SCARB2: variants seen among roughly 807,000 people sequenced by gnomAD.
SCARB2 encodes scavenger receptor class B member 2, also known as lysosome membrane protein 2.
In SCARB2, 29 loss-of-function variants were observed where a neutral mutation model predicts 58.6. That is an observed-to-expected ratio of 0.49 (90% CI 0.37 to 0.67). The LOEUF is 0.67. SCARB2 is among the 30% of genes least tolerant of loss of function. The probability of loss-of-function intolerance (pLI) is 0.00; values close to 1 mark genes in which losing one functional copy is unlikely to be tolerated. For missense variants in SCARB2, 488 were observed against 578.5 expected, an observed-to-expected ratio of 0.84 and a Z score of 1.60; for synonymous variants, 195 against 210.1, an observed-to-expected ratio of 0.93 and a Z score of 0.62.
At chr4:76,177,377 G>T (rs1732272110) in intron 4 of SCARB2, among the ~76,000 whole-genome samples, 1 of 151,902 alleles carries the variant, frequency 6.6e-6, no homozygotes, top group Non-Finnish European at 1.5e-5. Context: ...CGTTGGTGAG[G>T]ATGTGGAGAA....
chr4:76,221,736 T>C (rs190421022), intron 1 of SCARB2, among the ~76,000 whole-genome samples: 3 of 152,288 alleles, frequency 2.0e-5, no homozygotes, highest in African/African-American at 7.2e-5. Flanking sequence ...ATGGGAACAA[T>C]TGACACTGGA....
chr4:76,175,432 TG>T, intron 6 of SCARB2: 1 of 309,282 alleles, frequency 3.2e-6, no homozygotes, highest in Non-Finnish European at 6.2e-6. Flanking sequence ...TACTGTGTGA[TG>T]GGCCCTGGGC....
chr4:76,202,129 T>C (rs930502916), intron 1 of SCARB2, among the ~76,000 whole-genome samples: 1 of 152,232 alleles, frequency 6.6e-6, no homozygotes, highest in Non-Finnish European at 1.5e-5. Context: ...GAAATTTCTA[T>C]ATTCATATTA....
intron 1 of SCARB2, among the ~76,000 whole-genome samples, chr4:76,228,820 A>G (rs1733445108): frequency 6.6e-6 from 1 of 152,156 alleles, no homozygotes; most frequent in Non-Finnish European, 1.5e-5. Context: ...CTTGATGACT[A>G]TGTGCCCAGG....
upstream of SCARB2, among the ~76,000 whole-genome samples, chr4:76,215,539 G>T (rs1274598419): frequency 6.6e-6 from 1 of 152,204 alleles, no homozygotes; most frequent in East Asian, 1.9e-4. Flanking sequence ...GAGAGGTGGG[G>T]TCTATACTTT....
chr4:76,167,537 G>T (rs1732033006), intron 9 of SCARB2, among the ~76,000 whole-genome samples: 1 of 152,060 alleles, frequency 6.6e-6, no homozygotes, highest in Admixed American at 6.6e-5. Flanking sequence ...ATGAGCAAAA[G>T]CTCCCTGAGG....
chr4:76,214,967 T>C (rs1257509112), upstream of SCARB2, among the ~76,000 whole-genome samples: 1 of 152,170 alleles, frequency 6.6e-6, no homozygotes, highest in Non-Finnish European at 1.5e-5. Context: ...ATACAGTCCA[T>C]GTATAAAAAG....
upstream of SCARB2, among the ~76,000 whole-genome samples, chr4:76,218,466 A>C (rs1578747628): frequency 6.6e-6 from 1 of 152,074 alleles, no homozygotes; most frequent in Non-Finnish European, 1.5e-5. Context: ...GGCCACAGGG[A>C]CTCTCTGTGA....
upstream of SCARB2, chr4:76,214,530 G>T: frequency 2.9e-6 from 1 of 346,420 alleles, no homozygotes; most frequent in South Asian, 2.1e-5. Context: ...CGGAGGTGTT[G>T]AGGCCCCAAG....
At chr4:76,226,546 G>C (rs990675304) in intron 1 of SCARB2, among the ~76,000 whole-genome samples, 3 of 152,122 alleles carry the variant, frequency 2.0e-5, no homozygotes, top group African/African-American at 7.2e-5. Context: ...TAGTGCTGTG[G>C]GGCAGCCTTC....
At chr4:76,199,402 G>A (rs1677679252) in intron 1 of SCARB2, among the ~76,000 whole-genome samples, 1 of 152,186 alleles carries the variant, frequency 6.6e-6, no homozygotes, top group African/African-American at 2.4e-5. Flanking sequence ...CATCAAAAAT[G>A]TTTTTATTCA....
chr4:76,208,794 A>AGAG (rs1237677521), intron 1 of SCARB2, among the ~76,000 whole-genome samples: 2 of 152,244 alleles, frequency 1.3e-5, no homozygotes, highest in Non-Finnish European at 2.9e-5. Flanking sequence ...CAACTCCTTA[A>AGAG]GAGAGCCAAG....
At chr4:76,195,944 C>T (rs1732703348) in intron 1 of SCARB2, 80 bp from the exon 2 acceptor site, 1 of 1,030,426 alleles carries the variant, frequency 9.7e-7, no homozygotes, top group South Asian at 1.5e-5. Context: ...GGAAGGGACG[C>T]CCCCTATTCT....
At chr4:76,191,780 T>C (rs1348469810) in intron 2 of SCARB2, 1 of 136,736 alleles carries the variant, frequency 7.3e-6, no homozygotes, top group Non-Finnish European at 1.5e-5. Context: ...TTCTTTCTTC[T>C]TTTTTTTTGA....
At chr4:76,216,708 G>A (rs145041843), upstream of SCARB2, among the ~76,000 whole-genome samples, 87 of 152,288 alleles carry the variant, frequency 5.7e-4, no homozygotes, top group Non-Finnish European at 1.1e-3. Flanking sequence ...TATGTCAGGC[G>A]GTTAGTAAGC....
In SCARB2 at chr4:76,195,868, G is replaced by A. The variant is rs1732701644; in HGVS notation, c.118-4C>T. On this transcript the variant is annotated splice_region_variant and splice_polypyrimidine_tract_variant and intron_variant, in intron 1 of 11. Transcript: ENST00000264896. ...TACCATTCCTTAACACAATTTTCTA[G>A]GAAAAAACCAAAAGGAGATTTACAA... 1 of 1,603,736 alleles carries A rather than the reference G, an allele frequency of 6.2e-7. No homozygotes were observed. Among genetic ancestry groups the A allele is most frequent in the South Asian group, 1.1e-5 (1 of 88,950 alleles).
chr4:76,209,659 G>A (rs766799986), intron 1 of SCARB2, among the ~76,000 whole-genome samples: 19 of 152,174 alleles, frequency 1.2e-4, no homozygotes, highest in Admixed American at 2.0e-4. Context: ...GAGCCACCAC[G>A]CCTGGCCTAT....
Position 76,179,588 on chromosome 4 carries a change from T to C in SCARB2, c.541A>G (p.Lys181Glu). The change falls in exon 4 of 12, where the codon AAA becomes GAA. Residue 181 changes from lysine (K) to glutamate (E), a missense_variant. By Grantham distance (56) the Lys-to-Glu change is moderately conservative. Transcript: ENST00000264896. ...TGGATAAGGGACAAGATTTCATCTT[T>C]GTAGCCCCAGAGCAATTCGTCAACT... ...HTVDELLWGY[K>E]DEILSLIHVF... The C allele has an allele frequency of 6.2e-7, 1 of 1,614,210 alleles. No homozygotes were observed. The highest frequency in any genetic ancestry group is 8.5e-7 in the Non-Finnish European group (1 of 1,180,012).
At position 76,175,796 on chromosome 4, in the gene SCARB2, A is replaced by G; in HGVS notation, c.819T>C (p.Phe273=). The G allele has an allele frequency of 6.2e-7, 1 of 1,614,044 alleles. No homozygotes were observed. Among genetic ancestry groups the G allele is most frequent in the Non-Finnish European group, 8.5e-7 (1 of 1,179,996 alleles). ...DEVLYVFPSD[F]CRSVYITFSD... ...CTTATCTTTAAAGCTTTTACCTGCA[A>G]AAGTCAGATGGGAAGACATAAAGGA... Residue 273 remains phenylalanine, a synonymous_variant, in exon 6 of 12, where the codon TTT becomes TTC. Coordinates refer to ENST00000264896, the MANE Select transcript of SCARB2 (RefSeq NM_005506.4).
Sources: gnomAD v4.1 joint callset for allele counts (sites outside exome capture counted in the v4.1 genomes callset) on GRCh38, gnomAD v4.1.1 for gene constraint, MANE v1.5 for transcripts, NCBI Gene and HGNC (gene_info 2026-07-23, HGNC 2026-07-21) for gene names.